The following PDZRN4 variants were observed in gnomAD, a reference collection of about 807,000 sequenced individuals.
The protein encoded by PDZRN4 is PDZ domain containing ring finger 4.
In PDZRN4, 70 loss-of-function variants were observed where a neutral mutation model predicts 99.0. The observed-to-expected ratio is 0.71, with a 90% CI of 0.58 to 0.86. The LOEUF (loss-of-function observed/expected upper bound fraction) is 0.86, where lower values mean the gene tolerates loss of function less well. Ranked by LOEUF, PDZRN4 falls within the 40% of genes least tolerant of loss-of-function variation. The pLI is 0.00. For missense variants in PDZRN4, 1,474 were observed against 1,331.2 expected (o/e 1.11, Z -1.67); for synonymous variants, 551 against 501.6 (o/e 1.10, Z -1.32).
intron 3 of PDZRN4, among the ~76,000 whole-genome samples, chr12:41,234,847 A>T (rs1020474735): frequency 2.6e-5 from 4 of 152,082 alleles, no homozygotes; most frequent in Non-Finnish European, 5.9e-5. Flanking sequence ...TCAGCCTTCA[A>T]AGATGAAATG....
At chr12:41,505,181 C>T (rs948725366) in intron 3 of PDZRN4, among the ~76,000 whole-genome samples, 1 of 152,116 alleles carries the variant, frequency 6.6e-6, no homozygotes, top group East Asian at 1.9e-4. Context: ...ACTTCTTTTG[C>T]TTCTTTTTTA....
intron 3 of PDZRN4, among the ~76,000 whole-genome samples, chr12:41,257,330 G>A (rs778680087): frequency 2.6e-5 from 4 of 152,162 alleles, no homozygotes; most frequent in Admixed American, 6.6e-5. Context: ...GGTGGAAGAG[G>A]CAAGGCAGCT....
At chr12:41,437,612 A>G (rs891924447) in intron 3 of PDZRN4, 15 of 439,104 alleles carry the variant, frequency 3.4e-5, no homozygotes, top group African/African-American at 3.0e-4. Flanking sequence ...ATGTTCTGTC[A>G]TAAATAATCA....
intron 5 of PDZRN4, among the ~76,000 whole-genome samples, chr12:41,529,121 C>G (rs893787666): frequency 6.6e-6 from 1 of 152,130 alleles, no homozygotes; most frequent in African/African-American, 2.4e-5. Flanking sequence ...AAAGTGACTT[C>G]CTGGGGTGCT....
chr12:41,290,281 G>T (rs73122815), intron 3 of PDZRN4, among the ~76,000 whole-genome samples: 8,525 of 152,040 alleles, frequency 0.056, 259 homozygotes, highest in Non-Finnish European at 0.062. Context: ...TGTTTAATAG[G>T]GAATTTTATA....
intron 3 of PDZRN4, among the ~76,000 whole-genome samples, chr12:41,395,684 T>C (rs1171894000): frequency 6.6e-6 from 1 of 152,194 alleles, no homozygotes; most frequent in East Asian, 1.9e-4. Flanking sequence ...CACTCAAAAC[T>C]ATCTTCAAAG....
chr12:41,374,588 T>C (rs574528520), intron 3 of PDZRN4, among the ~76,000 whole-genome samples: 8 of 152,140 alleles, frequency 5.3e-5, no homozygotes, highest in Non-Finnish European at 1.2e-4. Flanking sequence ...AAAGTGGGAA[T>C]GTTCAACAGA....
intron 3 of PDZRN4, chr12:41,412,111 T>A (rs1274306649): frequency 1.3e-5 from 2 of 152,242 alleles, no homozygotes; most frequent in African/African-American, 2.4e-5. Flanking sequence ...GAAACTCTGA[T>A]AATTCCCGTA....
chr12:41,572,185 TA>T (rs1273320334), intron 9 of PDZRN4, among the ~76,000 whole-genome samples, 178 bp from the exon 10 acceptor site: 2 of 152,216 alleles, frequency 1.3e-5, no homozygotes, highest in Admixed American at 6.5e-5. Context: ...TTTCATTGTA[TA>T]AAAAGCTGCC....
chr12:41,243,717 T>A (rs1379385104), intron 3 of PDZRN4, among the ~76,000 whole-genome samples: 2 of 152,210 alleles, frequency 1.3e-5, no homozygotes, highest in Non-Finnish European at 2.9e-5. Flanking sequence ...ACAGATTCAG[T>A]ACTTTTTCAT....
rs529486965 is a variant in PDZRN4 at position 41,221,804 on chromosome 12, G to A, written c.843+27616G>A. ...AGTTAAGTGGTGAGAAGGAGGCAAC[G>A]GACAAGAAAGGAGAGAAAACTGGGC... On this transcript the variant is annotated intron_variant, in intron 3 of 9. Coordinates refer to ENST00000402685, the MANE Select transcript of PDZRN4 (RefSeq NM_001164595.2). 2.6e-5 allele frequency among the ~76,000 whole-genome samples: 4 copies of A among 152,158 alleles called. No homozygotes were observed. The South Asian group carries it at 8.3e-4, about 32-fold the overall frequency.
chr12:41,464,827 T>C (rs2120546347), intron 3 of PDZRN4, among the ~76,000 whole-genome samples: 1 of 148,548 alleles, frequency 6.7e-6, no homozygotes, highest in South Asian at 2.2e-4. Flanking sequence ...GTACTTTTTT[T>C]TTTTTTTTTT....
chr12:41,262,570 T>C (rs1311932434), intron 3 of PDZRN4, among the ~76,000 whole-genome samples: 6 of 152,192 alleles, frequency 3.9e-5, no homozygotes, highest in Non-Finnish European at 8.8e-5. Context: ...GACTAAAAGA[T>C]ACAAAGATAC....
intron 3 of PDZRN4, among the ~76,000 whole-genome samples, chr12:41,378,383 AT>A (rs1415978471): frequency 6.6e-6 from 1 of 152,000 alleles, no homozygotes; most frequent in Non-Finnish European, 1.5e-5. Flanking sequence ...AATTTGCTGT[AT>A]TTTGAGAATT....
At chr12:41,230,060 T>A (rs1951018241) in intron 3 of PDZRN4, among the ~76,000 whole-genome samples, 1 of 151,930 alleles carries the variant, frequency 6.6e-6, no homozygotes, top group Admixed American at 6.6e-5. Flanking sequence ...GCCATCTGTG[T>A]CTCTTCTGGA....
chr12:41,328,137 G>A (rs973388492), intron 3 of PDZRN4, among the ~76,000 whole-genome samples: 2 of 152,026 alleles, frequency 1.3e-5, no homozygotes, highest in East Asian at 1.9e-4. Context: ...GAAAGATAAA[G>A]CTGAAAACAA....
chr12:41,476,847 C>T (rs1049996738), intron 3 of PDZRN4, among the ~76,000 whole-genome samples: 2 of 152,224 alleles, frequency 1.3e-5, no homozygotes, highest in Non-Finnish European at 1.5e-5. Flanking sequence ...AATTGGGAAG[C>T]TGCAGATGCA....
intron 3 of PDZRN4, among the ~76,000 whole-genome samples, chr12:41,404,272 G>A (rs554537628): frequency 1.3e-5 from 2 of 152,152 alleles, no homozygotes; most frequent in Non-Finnish European, 2.9e-5. Context: ...ATAGAAATGC[G>A]AGTAGCATGG....
chr12:41,478,850 T>G (rs1336084229), intron 3 of PDZRN4, among the ~76,000 whole-genome samples: 1 of 152,150 alleles, frequency 6.6e-6, no homozygotes, highest in Non-Finnish European at 1.5e-5. Flanking sequence ...TGCTAATGTT[T>G]GATAAACTCT....
Sources: allele counts gnomAD v4.1 joint callset (sites outside exome capture counted in the v4.1 genomes callset), GRCh38; gene constraint gnomAD v4.1.1; transcripts MANE v1.5; gene names NCBI Gene and HGNC (gene_info 2026-07-23, HGNC 2026-07-21).